CRYBG3: variants seen among roughly 807,000 people sequenced by gnomAD.
The protein encoded by CRYBG3 is very large A-kinase anchor protein.
A neutral mutation model predicts 244.2 loss-of-function variants in CRYBG3; 127 were observed. The observed-to-expected ratio is 0.52, with a 90% confidence interval of 0.45 to 0.60. The LOEUF (loss-of-function observed/expected upper bound fraction) is 0.60. Among genes scored for constraint, CRYBG3 ranks in the 20% least tolerant of loss-of-function variants. CRYBG3 has a pLI of 0.00. For missense variants in CRYBG3, 3,325 were observed against 3,442.5 expected, an observed-to-expected ratio of 0.97 and a Z score of 0.85; for synonymous variants, 1,132 against 1,195.8, an observed-to-expected ratio of 0.95 and a Z score of 1.10.
At chr3:97,822,450 C>T (rs1194850324) in intron 1 of CRYBG3, 95 bp downstream of exon 1, 1 of 1,201,082 alleles carries the variant, frequency 8.3e-7, no homozygotes. Context: ...GCTCTTGGGC[C>T]AGGCTGCAGT....
chr3:97,923,367 G>A (rs746333854), intron 17 of CRYBG3, among the ~76,000 whole-genome samples: 3 of 151,762 alleles, frequency 2.0e-5, no homozygotes, highest in Non-Finnish European at 4.4e-5. Flanking sequence ...GAAGAATTTG[G>A]TTACTATTAA....
chr3:97,875,393 T>A lies in CRYBG3; in HGVS notation c.4199T>A (p.Leu1400His). 1 of 1,407,340 alleles carries A rather than the reference T, an allele frequency of 7.1e-7. No individual in the cohort carries two copies. Among genetic ancestry groups the A allele is most frequent in the Non-Finnish European group, 9.2e-7 (1 of 1,088,984 alleles). The allele number at this position is 1,407,340 out of a possible 1,614,324, so 87.2% of individuals were successfully genotyped here. A position where few individuals can be genotyped will look rare whatever the true frequency, so the allele number is the denominator to read the frequency against. Residue 1400 changes from leucine (L) to histidine (H), a missense_variant, in exon 4 of 22, where the codon CTC (leucine) becomes CAC (histidine). Physicochemically the swap from Leu to His is moderately conservative, Grantham distance 99. This residue lies in a region of CRYBG3 where 635 missense variants were observed against 771.7 expected (regional missense o/e 0.82). Transcript: ENST00000389622. The part of the protein sequence containing the change: ...TESIKGGEIV[L>H]YQKSLFSGNG... Reference sequence around the variant, plus strand: ...TCAATTAAGGGAGGAGAAATTGTTCTCTACCAAAAATCCCTATTTTCTGGA... The same window carrying A: ...TCAATTAAGGGAGGAGAAATTGTTCACTACCAAAAATCCCTATTTTCTGGA...
intron 11 of CRYBG3, among the ~76,000 whole-genome samples, chr3:97,893,896 G>A (rs946625386): frequency 2.0e-5 from 3 of 152,098 alleles, no homozygotes; most frequent in African/African-American, 4.8e-5. Flanking sequence ...TGCAGTTTCC[G>A]GCAGTAAATT....
At chr3:97,880,252 A>T in intron 6 of CRYBG3, 152 bp downstream of exon 6, 1 of 554,222 alleles carries the variant, frequency 1.8e-6, no homozygotes, top group South Asian at 2.6e-5. Context: ...TTAGTGTGTT[A>T]TAACTTAATT....
intron 3 of CRYBG3, among the ~76,000 whole-genome samples, chr3:97,871,310 T>G (rs184885547): frequency 6.6e-6 from 1 of 152,204 alleles, no homozygotes; most frequent in East Asian, 1.9e-4. Flanking sequence ...ACATACTGAG[T>G]GTTTACTGTG....
intron 16 of CRYBG3, among the ~76,000 whole-genome samples, chr3:97,913,995 GT>G (rs2039900772): frequency 6.6e-6 from 1 of 152,020 alleles, no homozygotes; most frequent in South Asian, 2.1e-4. Context: ...TCTCCTGCAG[GT>G]ATATAAGCTT....
At chr3:97,838,890 C>A (rs1189449925) in intron 1 of CRYBG3, among the ~76,000 whole-genome samples, 1 of 151,940 alleles carries the variant, frequency 6.6e-6, no homozygotes, top group East Asian at 1.9e-4. Context: ...CAGAGTCACA[C>A]AAAGGCTAAA....
intron 15 of CRYBG3, among the ~76,000 whole-genome samples, chr3:97,907,762 T>A (rs560233980): frequency 1.4e-4 from 21 of 152,100 alleles, no homozygotes; most frequent in Non-Finnish European, 2.8e-4. Context: ...TCTGCTGTGA[T>A]TTTAGTTATT....
At chr3:97,936,678 G>A in intron 18 of CRYBG3, 107 bp from the exon 19 acceptor site, 3 of 1,168,018 alleles carry the variant, frequency 2.6e-6, no homozygotes, top group South Asian at 2.0e-5. Flanking sequence ...TTAAAAGTCT[G>A]CAAACCTAGA....
In CRYBG3 at chr3:97,873,361, C is replaced by T; in HGVS notation, c.2167C>T (p.Leu723Phe). The T allele has an allele frequency of 6.5e-7, 1 of 1,535,862 alleles. No homozygotes were observed. Among genetic ancestry groups the T allele is most frequent in the South Asian group, 1.2e-5 (1 of 84,020 alleles). Residue 723 changes from leucine to phenylalanine, a missense_variant, in exon 4 of 22, where the codon CTT (leucine) becomes TTT (phenylalanine). Around this residue, in one of 4 missense-constraint regions of CRYBG3, gnomAD observed 1,526 missense variants for 1,443.2 expected, o/e 1.06. Coordinates refer to ENST00000389622, the MANE Select transcript of CRYBG3 (RefSeq NM_153605.4). ...GRKSPPPSFC[L>F]EYTSAIFEFK... Reference sequence around the variant, plus strand: ...GAAGAGTCCTCCTCCTTCCTTTTGCCTTGAATATACATCTGCAATTTTTGA... The same window carrying T: ...GAAGAGTCCTCCTCCTTCCTTTTGCTTTGAATATACATCTGCAATTTTTGA...
In CRYBG3 at chr3:97,933,782, T is replaced by G. The variant is rs1377635059; in HGVS notation, c.8330T>G (p.Leu2777Arg). 1.2e-6 allele frequency: 2 copies of G among 1,612,776 alleles called. No homozygotes were observed. Among genetic ancestry groups the G allele is most frequent in the Non-Finnish European group, 1.7e-6 (2 of 1,179,224 alleles). The change falls in exon 18 of 22, where the codon CTG becomes CGG. Residue 2777 changes from leucine to arginine, a missense_variant. Around this residue, in one of 4 missense-constraint regions of CRYBG3, gnomAD observed 714 missense variants for 803.6 expected, o/e 0.89. Coordinates refer to ENST00000389622, the MANE Select transcript of CRYBG3 (RefSeq NM_153605.4). ...CTAGAAGAGGCTGTGAACTCTGTTC[T>G]GAACAAGGACCTACACTTCTACACC... ...LHLEEAVNSV[L>R]NKDLHFYTQS...
chr3:97,872,443 AAT>A lies in CRYBG3; in HGVS notation c.1251_1252del (p.Asn417LysfsTer11). The A allele has an allele frequency of 6.5e-7, 1 of 1,535,988 alleles. No homozygotes were observed. The highest frequency in any genetic ancestry group is 2.4e-5 in the East Asian group (1 of 40,916). ...AAAAGAAAACAGCACTGTGATGAGT[AAT>A]AGGACATTGGTGCAAAGAGAGGAGC... Reference protein sequence around the residue: ...TIKENSTVMSNRTLVQREELV... With the variant: ...TIKENSTVMSXRTLVQREELV... On this transcript the variant is annotated frameshift_variant, in exon 4 of 22. Transcript: ENST00000389622. LOFTEE classifies it high-confidence loss of function.
intron 2 of CRYBG3, among the ~76,000 whole-genome samples, chr3:97,860,516 C>T (rs143658763): frequency 3.3e-4 from 50 of 151,954 alleles, no homozygotes; most frequent in African/African-American, 1.1e-3. Flanking sequence ...CTGAAGGAGG[C>T]GAGAGAGAGT....
Position 97,878,016 on chromosome 3 carries a change from C to G in CRYBG3, c.6822C>G (p.Gly2274=). ...ATTTCCGTGTTCAAGACAGCCCAGG[C>G]AGATTGAGCCCATTTATAGAGGTAA... ...SKYFRVQDSP[G]RLSPFIENVD... Residue 2274 remains glycine (G), a synonymous_variant, in exon 4 of 22, where the codon GGC becomes GGG. Coordinates refer to ENST00000389622, the MANE Select transcript of CRYBG3 (RefSeq NM_153605.4). 1 of 1,611,650 alleles carries G rather than the reference C, an allele frequency of 6.2e-7. No individual in the cohort carries two copies. The highest frequency in any genetic ancestry group is 8.5e-7 in the Non-Finnish European group (1 of 1,179,302).
chr3:97,865,268 G>T (rs2039212170), intron 3 of CRYBG3, among the ~76,000 whole-genome samples: 2 of 152,104 alleles, frequency 1.3e-5, no homozygotes, highest in Admixed American at 1.3e-4. Flanking sequence ...AATATTTTGT[G>T]TGACATAAAA....
intron 6 of CRYBG3, 152 bp downstream of exon 6, chr3:97,880,252 A>G (rs1018925928): frequency 1.8e-6 from 1 of 554,222 alleles, no homozygotes; most frequent in Non-Finnish European, 3.2e-6. Context: ...TTAGTGTGTT[A>G]TAACTTAATT....
At chr3:97,891,591 C>G (rs1342419960) in intron 10 of CRYBG3, among the ~76,000 whole-genome samples, 2 of 151,878 alleles carry the variant, frequency 1.3e-5, no homozygotes, top group Non-Finnish European at 2.9e-5. Context: ...ATTTAGTTCA[C>G]CCTAAAGAAC....
intron 2 of CRYBG3, among the ~76,000 whole-genome samples, chr3:97,844,703 G>T (rs987241873): frequency 5.9e-5 from 9 of 152,142 alleles, no homozygotes; most frequent in African/African-American, 2.2e-4. Flanking sequence ...TTCCAGTAGT[G>T]CTGTTTTCCA....
intron 2 of CRYBG3, among the ~76,000 whole-genome samples, chr3:97,862,764 G>T (rs1318303421): frequency 1.6e-5 from 1 of 64,204 alleles, no homozygotes; most frequent in Non-Finnish European, 2.8e-5. Flanking sequence ...GGTGAGATGT[G>T]CAGTGTCTCT....
Sources: gnomAD v4.1 joint callset for allele counts (sites outside exome capture counted in the v4.1 genomes callset) on GRCh38, gnomAD v4.1.1 for gene constraint, gnomAD v4.1.1 regional missense constraint, MANE v1.5 for transcripts, NCBI Gene and HGNC (gene_info 2026-07-23, HGNC 2026-07-21) for gene names.